Variants in UBE2E2 observed in about 807,000 individuals in gnomAD.
The protein encoded by UBE2E2 is ubiquitin-conjugating enzyme E2 E2.
A neutral mutation model predicts 24.7 loss-of-function variants in UBE2E2; 6 were observed. The observed-to-expected ratio is 0.24, with a 90% CI of 0.13 to 0.48. The LOEUF is 0.48. UBE2E2 is among the 20% of genes least tolerant of loss of function. The pLI, the probability that UBE2E2 is intolerant of heterozygous loss-of-function variation, is 0.99. For synonymous variants in UBE2E2, 104 were observed against 83.6 expected, an observed-to-expected ratio of 1.24 and a Z score of -1.33; for missense variants, 169 against 245.0, an observed-to-expected ratio of 0.69 and a Z score of 2.07.
intron 3 of UBE2E2, among the ~76,000 whole-genome samples, chr3:23,450,873 T>C (rs35383024): frequency 0.073 from 11,075 of 152,254 alleles, 521 homozygotes; most frequent in Non-Finnish European, 0.088. Flanking sequence ...CTAATTATAA[T>C]ATGGTATTTA....
intron 3 of UBE2E2, among the ~76,000 whole-genome samples, chr3:23,326,383 T>A (rs1694891502): frequency 6.6e-6 from 1 of 152,246 alleles, no homozygotes; most frequent in Admixed American, 6.5e-5. Context: ...CTGTAATCTT[T>A]TAAAAAGGAA....
At chr3:23,415,526 A>G (rs1389459044) in intron 3 of UBE2E2, among the ~76,000 whole-genome samples, 4 of 152,198 alleles carry the variant, frequency 2.6e-5, no homozygotes, top group African/African-American at 2.4e-5. Context: ...CCTGTTATAC[A>G]TGTACACATC....
At chr3:23,236,263 C>T (rs539691578) in intron 3 of UBE2E2, among the ~76,000 whole-genome samples, 16 of 152,048 alleles carry the variant, frequency 1.1e-4, no homozygotes, top group African/African-American at 2.7e-4. Flanking sequence ...CTTTCTTCAC[C>T]GGGAAAGTAA....
Position 23,584,083 on chromosome 3 carries a change from G to T in UBE2E2, c.509-5651G>T, listed in dbSNP as rs142747209. On this transcript the variant is annotated intron_variant, in intron 5 of 5. Transcript: ENST00000396703. ...CATAGAGGGCTCTTATTATTTTGAA[G>T]TATGTTCCTTCAGTGCCTAGTTTGT... Among the ~76,000 whole-genome samples the T allele has an allele frequency of 1.9e-3, 287 of 152,272 alleles. 2 individuals carry two copies. The highest frequency in any genetic ancestry group is 0.014 in the Middle Eastern group (4 of 294).
intron 3 of UBE2E2, among the ~76,000 whole-genome samples, chr3:23,494,878 T>A (rs1234899959): frequency 1.3e-5 from 2 of 151,702 alleles, no homozygotes; most frequent in African/African-American, 4.8e-5. Flanking sequence ...GGGATAGGAG[T>A]ATTTCAGATA....
In UBE2E2 at chr3:23,248,509, T is replaced by G. The variant is rs947158332; in HGVS notation, c.227+31197T>G. Among the ~76,000 whole-genome samples the G allele has an allele frequency of 6.6e-5, 10 of 152,374 alleles. 2 individuals carry two copies. The highest frequency in any genetic ancestry group is 1.3e-4 in the Admixed American group (2 of 15,304). ...CACAATAAAATATAAACATTAAATT[T>G]GTATGGCATTAGAACCGCCTTTAGA... is the stretch of plus-strand genomic sequence containing the variant. On this transcript the variant is annotated intron_variant, in intron 3 of 5. Coordinates refer to ENST00000396703, the MANE Select transcript of UBE2E2 (RefSeq NM_152653.4).
chr3:23,570,511 G>A (rs116762426), intron 5 of UBE2E2, among the ~76,000 whole-genome samples: 159 of 152,226 alleles, frequency 1.0e-3, no homozygotes, highest in African/African-American at 3.5e-3. Flanking sequence ...TGTAAACAAT[G>A]TATAGTAAAT....
chr3:23,532,896 C>G (rs1695156086), intron 5 of UBE2E2, among the ~76,000 whole-genome samples, 195 bp downstream of exon 5: 1 of 151,358 alleles, frequency 6.6e-6, no homozygotes, highest in South Asian at 2.1e-4. Flanking sequence ...CTATCATTTG[C>G]CAAAAAGGAA....
intron 3 of UBE2E2, among the ~76,000 whole-genome samples, chr3:23,350,016 C>A (rs1311048164): frequency 5.3e-5 from 8 of 152,266 alleles, no homozygotes; most frequent in Admixed American, 3.9e-4. Flanking sequence ...CTCACACGGC[C>A]AGGTACTCCT....
chr3:23,372,974 C>T (rs1168606204), intron 3 of UBE2E2, among the ~76,000 whole-genome samples: 1 of 152,060 alleles, frequency 6.6e-6, no homozygotes, highest in Admixed American at 6.6e-5. Context: ...TCAATGTGCC[C>T]CCTCTCATTG....
intron 3 of UBE2E2, among the ~76,000 whole-genome samples, chr3:23,448,320 T>C (rs530509794): frequency 6.6e-6 from 1 of 152,344 alleles, no homozygotes; most frequent in East Asian, 1.9e-4. Flanking sequence ...TCTTTATTCT[T>C]ACATCTTTGG....
intron 3 of UBE2E2, among the ~76,000 whole-genome samples, chr3:23,391,014 T>G (rs889196362): frequency 6.6e-6 from 1 of 152,224 alleles, no homozygotes; most frequent in Non-Finnish European, 1.5e-5. Context: ...TCTTCAATGC[T>G]TATTGTTTGT....
rs559408567 is a variant in UBE2E2 at position 23,376,454 on chromosome 3, A to G, written c.228-123154A>G. 1.1e-4 allele frequency among the ~76,000 whole-genome samples: 17 copies of G among 152,382 alleles called. No homozygotes were observed. In the East Asian group the frequency reaches 3.1e-3, roughly 28 times the overall value. ...TCACAGGGAGTATACTTGATAGGTAAGATACGTGAACCACAAAGTGAGTAA... is the reference window on the plus strand; with the variant it reads ...TCACAGGGAGTATACTTGATAGGTAGGATACGTGAACCACAAAGTGAGTAA... On this transcript the variant is annotated intron_variant, in intron 3 of 5. Transcript: ENST00000396703.
At chr3:23,508,093 T>C (rs368781051) in intron 4 of UBE2E2, among the ~76,000 whole-genome samples, 26 of 152,330 alleles carry the variant, frequency 1.7e-4, no homozygotes, top group African/African-American at 5.5e-4. Context: ...TTACATCACA[T>C]GAGTCAGTTT....
rs1049700073 is a variant in UBE2E2, at chr3:23,235,610, G to C, written c.227+18298G>C. Among the ~76,000 whole-genome samples, 4 of 152,154 alleles carry C rather than the reference G, an allele frequency of 2.6e-5. No individual in the cohort carries two copies. The South Asian group carries it at 6.2e-4, about 24-fold the overall frequency. ...GACAGTCATCAGGTGAGAGAGGATGGTGTTATAGATTATGGCAGTAGCAGT... is the reference window on the plus strand; with the variant it reads ...GACAGTCATCAGGTGAGAGAGGATGCTGTTATAGATTATGGCAGTAGCAGT... On this transcript the variant is annotated intron_variant, in intron 3 of 5. Coordinates refer to ENST00000396703, the MANE Select transcript of UBE2E2 (RefSeq NM_152653.4).
intron 5 of UBE2E2, among the ~76,000 whole-genome samples, chr3:23,561,009 T>G (rs1252473987): frequency 6.6e-6 from 1 of 152,240 alleles, no homozygotes; most frequent in African/African-American, 2.4e-5. Context: ...TTTCTCCCAT[T>G]GTGTAGGTTG....
chr3:23,390,291 T>C (rs1696903709), intron 3 of UBE2E2, among the ~76,000 whole-genome samples: 1 of 152,100 alleles, frequency 6.6e-6, no homozygotes. Flanking sequence ...CCTGTACCCA[T>C]ATTAACCCCA....
At chr3:23,503,044 T>C (rs1694308036) in intron 4 of UBE2E2, among the ~76,000 whole-genome samples, 1 of 152,206 alleles carries the variant, frequency 6.6e-6, no homozygotes, top group Admixed American at 6.5e-5. Flanking sequence ...AATGAACTGC[T>C]AGTGTGTGTA....
intron 3 of UBE2E2, among the ~76,000 whole-genome samples, chr3:23,401,893 T>C (rs1474235290): frequency 7.2e-6 from 1 of 138,106 alleles, no homozygotes; most frequent in Non-Finnish European, 1.5e-5. Context: ...AGTCTCGCTG[T>C]GTCACCCAGG....
Sources: gnomAD v4.1 joint callset for allele counts (sites outside exome capture counted in the v4.1 genomes callset) on GRCh38, gnomAD v4.1.1 for gene constraint, MANE v1.5 for transcripts, NCBI Gene and HGNC (gene_info 2026-07-23, HGNC 2026-07-21) for gene names.